Variants in RAP1GAP2 observed in about 807,000 individuals in gnomAD.
The protein encoded by RAP1GAP2 is rap1 GTPase-activating protein 2.
Under a neutral mutation model 95.0 loss-of-function variants are expected in RAP1GAP2, and 27 were observed. That is an observed-to-expected ratio of 0.28 (90% CI 0.21 to 0.39). The LOEUF is 0.39. RAP1GAP2 is among the 10% of genes least tolerant of loss of function. The pLI, the probability that RAP1GAP2 is intolerant of heterozygous loss-of-function variation, is 1.00. For missense variants in RAP1GAP2, 771 were observed against 970.0 expected, an observed-to-expected ratio of 0.79 and a Z score of 2.72; for synonymous variants, 373 against 380.9, an observed-to-expected ratio of 0.98 and a Z score of 0.24.
chr17:2,976,147 GACA>G (rs2045107373), intron 8 of RAP1GAP2, among the ~76,000 whole-genome samples: 1 of 152,204 alleles, frequency 6.6e-6, no homozygotes, highest in African/African-American at 2.4e-5. Flanking sequence ...GGGAGATTTT[GACA>G]ACATTGCTGA....
rs1401568229 is a variant in RAP1GAP2 at position 2,930,796 on chromosome 17, AAAAC to A, written c.165+25432_165+25435del. On this transcript the variant is annotated intron_variant, in intron 3 of 24. Transcript: ENST00000254695. ...CACGAAACAAAACAAAATGCAAAGA[AAAAC>A]AAAATCGAAACAAAGAAATACAATA... 1.7e-4 allele frequency among the ~76,000 whole-genome samples: 26 copies of A among 152,222 alleles called. 1 individual carries two copies. Among genetic ancestry groups the A allele is most frequent in the Middle Eastern group, 3.2e-3 (1 of 316 alleles).
At chr17:2,890,362 A>G (rs932315787) in intron 2 of RAP1GAP2, among the ~76,000 whole-genome samples, 2 of 152,202 alleles carry the variant, frequency 1.3e-5, no homozygotes, top group Admixed American at 6.5e-5. Context: ...TGAACCAATG[A>G]TGGAAGCTCC....
intron 8 of RAP1GAP2, among the ~76,000 whole-genome samples, chr17:2,976,699 G>A (rs1481188338): frequency 2.0e-5 from 3 of 151,976 alleles, no homozygotes. Context: ...GACAAGAACC[G>A]ACTAGTGAAA....
chr17:2,855,955 A>G lies in RAP1GAP2; in HGVS notation c.81-49329A>G, dbSNP rs1019862546. ...ATAGAAATAGTAGTAATAATAATACAAGTGTTAACAAATATAGTGGAAATC... is the reference window on the plus strand; with the variant it reads ...ATAGAAATAGTAGTAATAATAATACGAGTGTTAACAAATATAGTGGAAATC... On this transcript the variant is annotated intron_variant, in intron 2 of 24. Coordinates refer to ENST00000254695, the MANE Select transcript of RAP1GAP2 (RefSeq NM_015085.5). The surrounding 1 kb of genome is among the most constrained non-coding windows in gnomAD (Gnocchi z 4.3). Among the ~76,000 whole-genome samples, 2 of 152,204 alleles carry G rather than the reference A, an allele frequency of 1.3e-5. No homozygotes were observed. The highest frequency in any genetic ancestry group is 2.9e-5 in the Non-Finnish European group (2 of 68,036).
At chr17:2,833,831 C>T (rs1056754804) in intron 2 of RAP1GAP2, among the ~76,000 whole-genome samples, 57 of 152,038 alleles carry the variant, frequency 3.7e-4, no homozygotes, top group African/African-American at 1.3e-3. Context: ...CTTTCTATTT[C>T]ATCATACTGC....
intron 10 of RAP1GAP2, among the ~76,000 whole-genome samples, chr17:2,984,322 TG>T (rs1423589080): frequency 2.0e-5 from 3 of 152,122 alleles, no homozygotes; most frequent in African/African-American, 7.2e-5. Flanking sequence ...CACTCCAGCC[TG>T]GGTGACAGAG....
At chr17:2,951,278 G>A (rs540357548) in intron 3 of RAP1GAP2, among the ~76,000 whole-genome samples, 30 of 152,206 alleles carry the variant, frequency 2.0e-4, no homozygotes, top group Non-Finnish European at 3.2e-4. Context: ...CCTGCTGCCC[G>A]AGTGCCACAG....
rs1009296280 is a variant in RAP1GAP2, at chr17:2,825,840, T to A, written c.80+25290T>A. On this transcript the variant is annotated intron_variant, in intron 2 of 24. Coordinates refer to ENST00000254695, the MANE Select transcript of RAP1GAP2 (RefSeq NM_015085.5). The surrounding 1 kb of genome is among the most constrained non-coding windows in gnomAD (Gnocchi z 4.1). ...ACATTTAACAGTCATCTGCAAAGCA[T>A]GAGGCAGTGCCAATAGAGATATTCT... 1.3e-5 allele frequency among the ~76,000 whole-genome samples: 2 copies of A among 152,078 alleles called. No individual in the cohort carries two copies. The highest frequency in any genetic ancestry group is 2.9e-5 in the Non-Finnish European group (2 of 68,020).
At position 2,965,151 on chromosome 17, in the gene RAP1GAP2, A is replaced by G; in HGVS notation, c.493-389A>G. 1 of 204,400 alleles carries G rather than the reference A, an allele frequency of 4.9e-6. No individual in the cohort carries two copies. The highest frequency in any genetic ancestry group is 8.4e-5 in the South Asian group (1 of 11,912). 12.7% of individuals were successfully genotyped at this position (204,400 alleles called of 1,614,324 possible). Reference sequence around the variant, plus strand: ...ATGGGAATGAGAATGTGGACTCGGTATCTTGTGGTTAAGAACTTGCCCTTC... The same window carrying G: ...ATGGGAATGAGAATGTGGACTCGGTGTCTTGTGGTTAAGAACTTGCCCTTC... On this transcript the variant is annotated intron_variant, in intron 7 of 24. Transcript: ENST00000254695. The surrounding 1 kb of genome is among the most constrained non-coding windows in gnomAD (Gnocchi z 4.7).
chr17:2,777,967 GGGGAGGCT>G lies in RAP1GAP2; in HGVS notation c.-14+705_-14+712del, dbSNP rs1233526717. Among the ~76,000 whole-genome samples the G allele has an allele frequency of 2.0e-3, 88 of 43,202 alleles. 6 individuals are homozygous for G. In the South Asian group the frequency reaches 0.059, roughly 29 times the overall value. The allele number at this position is 43,202 out of a possible 152,430, so 28.3% of individuals were successfully genotyped here. A position where few individuals can be genotyped will look rare whatever the true frequency, so the allele number is the denominator to read the frequency against. ...CCAGGAGGCTGGGAGGCTGGGAGGC[GGGGAGGCT>G]GGGAGGCTGGGAGGCGGGGAGGCTG... On this transcript the variant is annotated intron_variant, in intron 1 of 24. Transcript: ENST00000540393.
chr17:2,826,024 C>T (rs1019863966), intron 2 of RAP1GAP2, among the ~76,000 whole-genome samples: 6 of 147,400 alleles, frequency 4.1e-5, no homozygotes, highest in African/African-American at 1.3e-4. Flanking sequence ...TCTGTCGCCC[C>T]GGCTGGAGTG....
chr17:2,797,661 G>A lies in RAP1GAP2; in HGVS notation c.44+1090G>A, dbSNP rs1437834604. The A allele has an allele frequency of 2.0e-6, 2 of 981,052 alleles. No individual in the cohort carries two copies. Among genetic ancestry groups the A allele is most frequent in the African/African-American group, 3.5e-5 (2 of 57,122 alleles). The allele number at this position is 981,052 out of a possible 1,614,324, so 60.8% of individuals were successfully genotyped here. On this transcript the variant is annotated intron_variant, in intron 1 of 24. Transcript: ENST00000254695. This position sits in a 1 kb window ranked among gnomAD's most constrained non-coding sequence, Gnocchi z 5.6. ...TTTGCCATCCATCCTCTGGCAGGGG[G>A]GGACTGTGGGCACTCCATGTTTGGC...
At chr17:2,967,776 C>T (rs1567836592) in intron 8 of RAP1GAP2, among the ~76,000 whole-genome samples, 1 of 152,196 alleles carries the variant, frequency 6.6e-6, no homozygotes, top group Non-Finnish European at 1.5e-5. Context: ...AGATGAAATT[C>T]CCCTGCTGGC....
intron 1 of RAP1GAP2, among the ~76,000 whole-genome samples, chr17:2,763,955 T>C (rs937243647): frequency 4.6e-5 from 7 of 151,912 alleles, no homozygotes; most frequent in Admixed American, 2.0e-4. Context: ...CATGATGTGA[T>C]GTGTGGTCTG....
chr17:2,921,717 A>G (rs73294644), intron 3 of RAP1GAP2, among the ~76,000 whole-genome samples: 1,043 of 71,980 alleles, frequency 0.014, 4 homozygotes, highest in Non-Finnish European at 0.023. Context: ...ATGTGTCCAC[A>G]GGGCCGTTAA....
chr17:2,832,951 C>G (rs969083806), intron 2 of RAP1GAP2, among the ~76,000 whole-genome samples: 1 of 152,042 alleles, frequency 6.6e-6, no homozygotes, highest in East Asian at 1.9e-4. Flanking sequence ...GCACTCCAGC[C>G]CGGGTCACAG....
intron 1 of RAP1GAP2, among the ~76,000 whole-genome samples, chr17:2,767,218 C>T (rs1410861303): frequency 2.0e-5 from 3 of 151,454 alleles, no homozygotes; most frequent in East Asian, 1.9e-4. Flanking sequence ...AAAAATTAAC[C>T]GGGTGTGGTG....
At chr17:2,852,343 T>TGGGGGGCAC (rs1426959867) in intron 2 of RAP1GAP2, among the ~76,000 whole-genome samples, 1 of 110,296 alleles carries the variant, frequency 9.1e-6, no homozygotes, top group African/African-American at 3.4e-5. Context: ...GGGGTGGGGG[T>TGGGGGGCAC]GGGGGTGGGG....
rs187731482 is a variant in RAP1GAP2 at position 3,000,016 on chromosome 17, C to T, written c.1200+1640C>T. On this transcript the variant is annotated intron_variant, in intron 14 of 24. Coordinates refer to ENST00000254695, the MANE Select transcript of RAP1GAP2 (RefSeq NM_015085.5). ...AGGCTGGAGTGCAGTGGTGCAGTCT[C>T]GGCTCACTGCAACCTCTGCCTCCCA... Among the ~76,000 whole-genome samples the T allele has an allele frequency of 4.6e-3, 707 of 152,238 alleles. 3 individuals are homozygous for T. The highest frequency in any genetic ancestry group is 0.027 in the Middle Eastern group (8 of 294).
Sources: gnomAD v4.1 joint callset for allele counts (sites outside exome capture counted in the v4.1 genomes callset) on GRCh38, gnomAD v4.1.1 for gene constraint, Gnocchi (gnomAD v3.1) non-coding constraint, MANE v1.5 for transcripts, NCBI Gene and HGNC (gene_info 2026-07-23, HGNC 2026-07-21) for gene names.